Variants in NOS1AP observed in about 807,000 individuals in gnomAD.
The protein encoded by NOS1AP is nitric oxide synthase 1 adaptor protein.
In NOS1AP, 21 loss-of-function variants were observed where a neutral mutation model predicts 56.2. That is an observed-to-expected ratio of 0.37 (90% CI 0.26 to 0.54). The LOEUF (loss-of-function observed/expected upper bound fraction) is 0.54, where lower values mean the gene tolerates loss of function less well. Ranked by LOEUF, NOS1AP falls within the 20% of genes least tolerant of loss-of-function variation. The pLI, the probability that NOS1AP is intolerant of heterozygous loss-of-function variation, is 0.84. For synonymous variants in NOS1AP, 270 were observed against 274.6 expected (o/e 0.98, Z 0.17); for missense variants, 522 against 657.8 (o/e 0.79, Z 2.26).
intron 4 of NOS1AP, among the ~76,000 whole-genome samples, chr1:162,302,438 T>C (rs1286552081): frequency 6.6e-6 from 1 of 152,220 alleles, no homozygotes; most frequent in East Asian, 1.9e-4. Context: ...GAAGCTGGCT[T>C]GAAGAATGTG....
At chr1:162,126,592 T>C (rs1486358818) in intron 1 of NOS1AP, among the ~76,000 whole-genome samples, 2 of 152,054 alleles carry the variant, frequency 1.3e-5, no homozygotes, top group African/African-American at 4.8e-5. Context: ...AAATCATCCA[T>C]GCAAGTATAT....
chr1:162,209,342 G>C (rs1652265751), intron 2 of NOS1AP, among the ~76,000 whole-genome samples: 1 of 152,218 alleles, frequency 6.6e-6, no homozygotes, highest in South Asian at 2.1e-4. Context: ...GTTGGAAATA[G>C]TCTGGACTGA....
At chr1:162,171,188 C>T (rs771515392) in intron 2 of NOS1AP, among the ~76,000 whole-genome samples, 10 of 152,004 alleles carry the variant, frequency 6.6e-5, no homozygotes, top group African/African-American at 9.7e-5. Context: ...AGGGATGGAG[C>T]GGGAGGGTGC....
intron 2 of NOS1AP, among the ~76,000 whole-genome samples, chr1:162,229,088 G>T (rs1040471406): frequency 6.6e-6 from 1 of 152,226 alleles, no homozygotes; most frequent in African/African-American, 2.4e-5. Flanking sequence ...CAATGTGGAA[G>T]TTGGGATGAA....
intron 2 of NOS1AP, among the ~76,000 whole-genome samples, chr1:162,228,297 C>T (rs539762175): frequency 2.0e-5 from 3 of 152,224 alleles, no homozygotes; most frequent in Admixed American, 1.3e-4. Flanking sequence ...ACCAGAAAAG[C>T]GTATATATGT....
At chr1:162,129,444 G>A (rs1488579481) in intron 1 of NOS1AP, among the ~76,000 whole-genome samples, 1 of 152,128 alleles carries the variant, frequency 6.6e-6, no homozygotes, top group African/African-American at 2.4e-5. Context: ...CACACAATGT[G>A]TTTTCCTACC....
At chr1:162,159,835 A>G (rs1438328442) in intron 2 of NOS1AP, among the ~76,000 whole-genome samples, 2 of 152,192 alleles carry the variant, frequency 1.3e-5, no homozygotes, top group Non-Finnish European at 2.9e-5. Flanking sequence ...CTCAAGTCAG[A>G]CTTGACGGGT....
At chr1:162,349,821 GT>G (rs1434024901) in intron 6 of NOS1AP, among the ~76,000 whole-genome samples, 1 of 152,188 alleles carries the variant, frequency 6.6e-6, no homozygotes, top group Non-Finnish European at 1.5e-5. Flanking sequence ...ACGCCCTCTG[GT>G]TATTGTGTAG....
chr1:162,216,471 G>A (rs1652571373), intron 2 of NOS1AP, among the ~76,000 whole-genome samples: 1 of 152,160 alleles, frequency 6.6e-6, no homozygotes, highest in African/African-American at 2.4e-5. Context: ...TCTAGAGCGG[G>A]CTTTACATCT....
chr1:162,319,249 C>T (rs901351938), intron 4 of NOS1AP, among the ~76,000 whole-genome samples: 26 of 152,140 alleles, frequency 1.7e-4, no homozygotes, highest in Non-Finnish European at 3.7e-4. Flanking sequence ...GATTTGAGTC[C>T]GGTTCTTCTG....
intron 4 of NOS1AP, among the ~76,000 whole-genome samples, chr1:162,320,204 C>A (rs1042106033): frequency 2.6e-5 from 4 of 152,074 alleles, no homozygotes; most frequent in African/African-American, 9.7e-5. Flanking sequence ...GCTGGACCAC[C>A]CCGACACCTG....
intron 2 of NOS1AP, among the ~76,000 whole-genome samples, chr1:162,235,658 A>G (rs138369746): frequency 2.6e-5 from 4 of 152,140 alleles, no homozygotes; most frequent in African/African-American, 9.6e-5. Flanking sequence ...AGGCCTGTGT[A>G]CGTGGTTTTA....
intron 5 of NOS1AP, among the ~76,000 whole-genome samples, chr1:162,333,365 G>C (rs974158668): frequency 6.6e-6 from 1 of 152,204 alleles, no homozygotes; most frequent in African/African-American, 2.4e-5. Flanking sequence ...TCTGGGATGA[G>C]AGCAGTTAAA....
chr1:162,324,526 G>T (rs1656523532), intron 4 of NOS1AP, among the ~76,000 whole-genome samples: 1 of 147,480 alleles, frequency 6.8e-6, no homozygotes, highest in Admixed American at 7.0e-5. Context: ...GGTGGTTTGT[G>T]GTTGATTCAA....
intron 2 of NOS1AP, among the ~76,000 whole-genome samples, chr1:162,208,188 A>C (rs1274250873): frequency 6.6e-6 from 1 of 152,160 alleles, no homozygotes; most frequent in Non-Finnish European, 1.5e-5. Flanking sequence ...TGCCTATTCC[A>C]ATCTTACCTG....
At position 162,241,773 on chromosome 1, in the gene NOS1AP, A is replaced by T. The variant is rs16858927; in HGVS notation, c.178-45571A>T. Among the ~76,000 whole-genome samples, 805 of 152,328 alleles carry T rather than the reference A, an allele frequency of 5.3e-3. 56 individuals carry two copies. The East Asian group carries it at 0.14, about 26-fold the overall frequency. The stretch of plus-strand genomic sequence containing the variant: ...CTCAGCAGAGGAGAAAAGGGAAGGC[A>T]TTCCAGATGAGGTGACAGATGTCAA... On this transcript the variant is annotated intron_variant, in intron 2 of 9. Coordinates refer to ENST00000361897, the MANE Select transcript of NOS1AP (RefSeq NM_014697.3).
At chr1:162,071,313 T>C (rs1485443440) in intron 1 of NOS1AP, among the ~76,000 whole-genome samples, 2 of 152,200 alleles carry the variant, frequency 1.3e-5, no homozygotes, top group Non-Finnish European at 2.9e-5. Flanking sequence ...ACAGTTTGAC[T>C]CTTTGTTCTC....
chr1:162,204,345 G>A (rs570388057), intron 2 of NOS1AP, among the ~76,000 whole-genome samples: 143 of 152,290 alleles, frequency 9.4e-4, no homozygotes, highest in Non-Finnish European at 1.7e-3. Flanking sequence ...ACAGGTTTCC[G>A]CTTACATGTC....
Position 162,287,240 on chromosome 1 carries a change from C to T in NOS1AP, c.178-104C>T. The T allele has an allele frequency of 3.8e-6, 3 of 797,216 alleles. No individual in the cohort carries two copies. In the South Asian group the frequency reaches 4.3e-5, roughly 11 times the overall value. The allele number at this position is 797,216 out of a possible 1,614,324, so 49.4% of individuals were successfully genotyped here. A position where few individuals can be genotyped will look rare whatever the true frequency, so the allele number is the denominator to read the frequency against. On this transcript the variant is annotated intron_variant, in intron 2 of 9. Transcript: ENST00000361897. ...CCCTGCCCCCAGGAGCTATTCCCCA[C>T]ACCTGTCTGGGGACCTTTTTTCCAG...
Sources: gnomAD v4.1 joint callset for allele counts (sites outside exome capture counted in the v4.1 genomes callset) on GRCh38, gnomAD v4.1.1 for gene constraint, MANE v1.5 for transcripts, NCBI Gene and HGNC (gene_info 2026-07-23, HGNC 2026-07-21) for gene names.